STK32B: variants seen among roughly 807,000 people sequenced by gnomAD.
STK32B encodes the protein serine/threonine-protein kinase 32B.
In STK32B, 43 loss-of-function variants were observed where a neutral mutation model predicts 52.6. That is an observed-to-expected ratio of 0.82 (90% CI 0.64 to 1.05). The LOEUF (loss-of-function observed/expected upper bound fraction) is 1.05. STK32B is among the 50% of genes least tolerant of loss of function. The probability of loss-of-function intolerance (pLI) is 0.00; values close to 1 mark genes in which losing one functional copy is unlikely to be tolerated. For synonymous variants in STK32B, 238 were observed against 204.3 expected (o/e 1.17, Z -1.41); for missense variants, 621 against 534.6 (o/e 1.16, Z -1.59).
intron 4 of STK32B, among the ~76,000 whole-genome samples, chr4:5,384,623 C>T (rs867702037): frequency 6.6e-6 from 1 of 152,130 alleles, no homozygotes; most frequent in Admixed American, 6.5e-5. Context: ...AGAAATTAAC[C>T]AGGCTTTGGG....
At chr4:5,448,244 C>T (rs1478811384) in intron 7 of STK32B, among the ~76,000 whole-genome samples, 1 of 152,196 alleles carries the variant, frequency 6.6e-6, no homozygotes, top group African/African-American at 2.4e-5. Context: ...TGAGCTTGTT[C>T]ACTGAATGAA....
intron 1 of STK32B, among the ~76,000 whole-genome samples, chr4:5,080,864 C>G (rs1322917158): frequency 6.6e-6 from 1 of 152,132 alleles, no homozygotes; most frequent in Non-Finnish European, 1.5e-5. Flanking sequence ...ACTCTAGTAA[C>G]TCTAGTCACC....
At chr4:5,093,266 CACACAG>C (rs376086795) in intron 1 of STK32B, among the ~76,000 whole-genome samples, 28 of 152,262 alleles carry the variant, frequency 1.8e-4, no homozygotes, top group African/African-American at 6.0e-4. Context: ...TCAAAACATA[CACACAG>C]ACACAGACTG....
At chr4:5,447,501 T>G (rs544611095) in intron 7 of STK32B, among the ~76,000 whole-genome samples, 3 of 152,180 alleles carry the variant, frequency 2.0e-5, no homozygotes, top group South Asian at 4.2e-4. Context: ...CTGAGCGTGG[T>G]GGCACTCGCT....
At chr4:5,474,032 T>C (rs1030906981) in intron 11 of STK32B, among the ~76,000 whole-genome samples, 12 of 151,990 alleles carry the variant, frequency 7.9e-5, no homozygotes, top group African/African-American at 2.9e-4. Flanking sequence ...GAGAATCACT[T>C]GAACCCGGGA....
intron 3 of STK32B, among the ~76,000 whole-genome samples, chr4:5,299,449 T>C (rs1229196418): frequency 1.3e-5 from 2 of 152,118 alleles, no homozygotes; most frequent in African/African-American, 2.4e-5. Context: ...ATTTTGTGTA[T>C]TGTGAGACAT....
At chr4:5,193,670 A>T (rs1242158207) in intron 3 of STK32B, among the ~76,000 whole-genome samples, 1 of 152,218 alleles carries the variant, frequency 6.6e-6, no homozygotes, top group African/African-American at 2.4e-5. Flanking sequence ...AGGCTTCTTC[A>T]CAAGTGAGAT....
intron 3 of STK32B, among the ~76,000 whole-genome samples, chr4:5,195,690 C>T (rs1721591827): frequency 6.6e-6 from 1 of 152,128 alleles, no homozygotes; most frequent in Non-Finnish European, 1.5e-5. Context: ...GACTCCGTCT[C>T]AAAGAATATT....
At chr4:5,297,617 C>T (rs1729287135) in intron 3 of STK32B, among the ~76,000 whole-genome samples, 1 of 148,102 alleles carries the variant, frequency 6.8e-6, no homozygotes, top group Non-Finnish European at 1.5e-5. Flanking sequence ...TGTTTTTCAG[C>T]TCTGTCTGGT....
chr4:5,443,132 C>G (rs1294439101), intron 6 of STK32B, among the ~76,000 whole-genome samples: 6 of 150,738 alleles, frequency 4.0e-5, no homozygotes, highest in Non-Finnish European at 7.4e-5. Context: ...TCTGTATTTC[C>G]TGAATCTGAA....
chr4:5,263,229 A>G (rs935039277), intron 3 of STK32B, among the ~76,000 whole-genome samples: 33 of 152,204 alleles, frequency 2.2e-4, no homozygotes, highest in African/African-American at 7.7e-4. Flanking sequence ...GTATCAATGC[A>G]GTCCCATATA....
chr4:5,460,547 C>T lies in STK32B; in HGVS notation c.909+319C>T, dbSNP rs537139056. Among the ~76,000 whole-genome samples, 11 of 152,306 alleles carry T rather than the reference C, an allele frequency of 7.2e-5. No individual in the cohort carries two copies. Among genetic ancestry groups the T allele is most frequent in the African/African-American group, 2.6e-4 (11 of 41,544 alleles). On this transcript the variant is annotated intron_variant, in intron 9 of 11. Coordinates refer to ENST00000282908, the MANE Select transcript of STK32B (RefSeq NM_018401.3). The surrounding 1 kb of genome is among the most constrained non-coding windows in gnomAD (Gnocchi z 4.8). The stretch of plus-strand genomic sequence containing the variant: ...CCTTCTGCCTCCACAGAGCTGACTG[C>T]CGAGTAGAGGAAGACAGGCAATGAC...
At chr4:5,284,610 A>G (rs1728426601) in intron 3 of STK32B, among the ~76,000 whole-genome samples, 1 of 152,150 alleles carries the variant, frequency 6.6e-6, no homozygotes, top group African/African-American at 2.4e-5. Flanking sequence ...AAACAAATGT[A>G]AAGATGTAGT....
At chr4:5,366,655 GCTCT>G (rs1193923025) in intron 4 of STK32B, among the ~76,000 whole-genome samples, 1 of 152,208 alleles carries the variant, frequency 6.6e-6, no homozygotes, top group Non-Finnish European at 1.5e-5. Context: ...TTATTAATGG[GCTCT>G]TTGCAAACAT....
chr4:5,277,682 G>T (rs1173059362), intron 3 of STK32B, among the ~76,000 whole-genome samples: 2 of 152,170 alleles, frequency 1.3e-5, no homozygotes, highest in Non-Finnish European at 2.9e-5. Context: ...TTATAGCTGT[G>T]CAGTTCATCT....
chr4:5,203,288 C>T (rs1722298649), intron 3 of STK32B, among the ~76,000 whole-genome samples: 1 of 152,158 alleles, frequency 6.6e-6, no homozygotes, highest in African/African-American at 2.4e-5. Flanking sequence ...AATTAAATTA[C>T]TGAAATTTTT....
At chr4:5,186,714 C>T (rs1032790345) in intron 3 of STK32B, among the ~76,000 whole-genome samples, 3 of 152,120 alleles carry the variant, frequency 2.0e-5, no homozygotes, top group Non-Finnish European at 4.4e-5. Flanking sequence ...CAGTCTCCAG[C>T]GCCTCCTCGA....
intron 11 of STK32B, among the ~76,000 whole-genome samples, chr4:5,489,837 T>C (rs1260186463): frequency 6.6e-6 from 1 of 152,146 alleles, no homozygotes; most frequent in African/African-American, 2.4e-5. Context: ...TTGAAATCAA[T>C]CAAAATACAA....
intron 11 of STK32B, among the ~76,000 whole-genome samples, chr4:5,487,031 C>T (rs144125081): frequency 3.9e-4 from 59 of 152,284 alleles, no homozygotes; most frequent in African/African-American, 1.4e-3. Flanking sequence ...TGACCCAGTT[C>T]ATATGATCAG....
Sources: gnomAD v4.1 joint callset for allele counts (sites outside exome capture counted in the v4.1 genomes callset) on GRCh38, gnomAD v4.1.1 for gene constraint, Gnocchi (gnomAD v3.1) non-coding constraint, MANE v1.5 for transcripts, NCBI Gene and HGNC (gene_info 2026-07-23, HGNC 2026-07-21) for gene names.